The following CARMIL1 variants were observed in gnomAD, a reference collection of about 807,000 sequenced individuals.
The protein encoded by CARMIL1 is capping protein regulator and myosin 1 linker 1.
CARMIL1 carries 90 observed loss-of-function variants against 177.1 expected under a neutral mutation model. The observed-to-expected ratio is 0.51, with a 90% CI of 0.43 to 0.61. The LOEUF (loss-of-function observed/expected upper bound fraction) is 0.61, where lower values mean the gene tolerates loss of function less well. CARMIL1 is among the 20% of genes least tolerant of loss of function. The pLI is 0.00. For missense variants in CARMIL1, 1,380 were observed against 1,667.0 expected, an observed-to-expected ratio of 0.83 and a Z score of 3.00; for synonymous variants, 577 against 606.2, an observed-to-expected ratio of 0.95 and a Z score of 0.71.
intron 2 of CARMIL1, among the ~76,000 whole-genome samples, chr6:25,343,910 C>T (rs969639651): frequency 7.2e-5 from 11 of 152,076 alleles, no homozygotes; most frequent in African/African-American, 2.7e-4. Flanking sequence ...CATAGTGCTG[C>T]TCCTCCTTCT....
At chr6:25,571,348 C>T (rs1451896102) in intron 29 of CARMIL1, among the ~76,000 whole-genome samples, 3 of 151,972 alleles carry the variant, frequency 2.0e-5, no homozygotes, top group Non-Finnish European at 4.4e-5. Context: ...CATAGTAATA[C>T]TCAGAAAACA....
At chr6:25,609,209 G>C (rs944726146) in intron 35 of CARMIL1, among the ~76,000 whole-genome samples, 1 of 152,060 alleles carries the variant, frequency 6.6e-6, no homozygotes, top group Non-Finnish European at 1.5e-5. Flanking sequence ...GCTCACACCT[G>C]TAATCCCAAC....
chr6:25,524,495 A>G (rs1806895436), intron 23 of CARMIL1, among the ~76,000 whole-genome samples: 1 of 152,240 alleles, frequency 6.6e-6, no homozygotes, highest in Non-Finnish European at 1.5e-5. Flanking sequence ...CCCAGCTCTT[A>G]GCCAGTTAAC....
At chr6:25,390,376 C>T (rs1792677919) in intron 2 of CARMIL1, among the ~76,000 whole-genome samples, 1 of 132,682 alleles carries the variant, frequency 7.5e-6, no homozygotes, top group Non-Finnish European at 1.5e-5. Flanking sequence ...GGTTGGAGTA[C>T]AGCAGCACAG....
At chr6:25,317,780 A>T (rs1161775570) in intron 2 of CARMIL1, among the ~76,000 whole-genome samples, 1 of 151,560 alleles carries the variant, frequency 6.6e-6, no homozygotes, top group African/African-American at 2.4e-5. Flanking sequence ...ACCCAGGTTG[A>T]TCTAGAACTC....
chr6:25,451,698 A>G (rs1798944414), intron 8 of CARMIL1, among the ~76,000 whole-genome samples: 2 of 152,026 alleles, frequency 1.3e-5, no homozygotes, highest in Admixed American at 1.3e-4. Context: ...CTGGTAATTT[A>G]TCTTGGCCTA....
rs1582182833 is a variant in CARMIL1, at chr6:25,506,778, T to C, written c.1396-2878T>C. Among the ~76,000 whole-genome samples the C allele has an allele frequency of 2.0e-5, 3 of 152,318 alleles. No homozygotes were observed. The South Asian group carries it at 6.2e-4, about 32-fold the overall frequency. ...TACTATTGGAACCCCTCTGAAAGAA[T>C]AGCAGATAATTTGGGGGTCATTTTA... On this transcript the variant is annotated intron_variant, in intron 17 of 36. Transcript: ENST00000329474.
chr6:25,468,468 GT>G (rs1800826513), intron 9 of CARMIL1, among the ~76,000 whole-genome samples: 1 of 152,142 alleles, frequency 6.6e-6, no homozygotes, highest in Non-Finnish European at 1.5e-5. Flanking sequence ...AGTGATTCTA[GT>G]TTTTGTTGTT....
At chr6:25,469,840 C>T (rs907659881) in intron 9 of CARMIL1, among the ~76,000 whole-genome samples, 4 of 152,144 alleles carry the variant, frequency 2.6e-5, no homozygotes, top group African/African-American at 4.8e-5. Flanking sequence ...TCTGGGATTA[C>T]AGGCACAAGC....
intron 23 of CARMIL1, among the ~76,000 whole-genome samples, chr6:25,524,095 T>C (rs918316238): frequency 1.9e-4 from 29 of 152,002 alleles, no homozygotes; most frequent in African/African-American, 6.8e-4. Flanking sequence ...ATAACAAAGA[T>C]CTACCAGCCA....
intron 5 of CARMIL1, among the ~76,000 whole-genome samples, chr6:25,437,880 C>G (rs1562135468): frequency 1.3e-5 from 2 of 152,174 alleles, no homozygotes; most frequent in East Asian, 3.8e-4. Flanking sequence ...GTCACTTTCT[C>G]CCTTGCATCT....
At chr6:25,319,637 C>T (rs1338787357) in intron 2 of CARMIL1, among the ~76,000 whole-genome samples, 1 of 151,984 alleles carries the variant, frequency 6.6e-6, no homozygotes, top group African/African-American at 2.4e-5. Flanking sequence ...TTTCTGGGGC[C>T]CATAGCTTTT....
At chr6:25,451,671 G>C (rs114685784) in intron 8 of CARMIL1, among the ~76,000 whole-genome samples, 2,091 of 152,224 alleles carry the variant, frequency 0.014, 41 homozygotes, top group African/African-American at 0.041. Flanking sequence ...GTCGAGCCCG[G>C]CCCTATTCCA....
At chr6:25,403,072 C>T (rs993218021) in intron 2 of CARMIL1, among the ~76,000 whole-genome samples, 1 of 134,878 alleles carries the variant, frequency 7.4e-6, no homozygotes, top group African/African-American at 2.8e-5. Flanking sequence ...TGCATTTCTT[C>T]CATAAAGAGT....
chr6:25,373,591 T>C (rs557599428), intron 2 of CARMIL1, among the ~76,000 whole-genome samples: 181 of 129,786 alleles, frequency 1.4e-3, no homozygotes, highest in Non-Finnish European at 2.2e-3. Flanking sequence ...CTCTCTCTCT[T>C]TTTTTTTTTT....
chr6:25,562,686 G>A (rs373429982), intron 29 of CARMIL1, among the ~76,000 whole-genome samples: 76 of 152,266 alleles, frequency 5.0e-4, no homozygotes, highest in Middle Eastern at 3.4e-3. Flanking sequence ...TGCCCTGCAG[G>A]TAACAGAGCA....
chr6:25,314,501 AC>A (rs905685584), intron 2 of CARMIL1, among the ~76,000 whole-genome samples: 25 of 124,056 alleles, frequency 2.0e-4, no homozygotes, highest in Non-Finnish European at 3.4e-4. Context: ...ATATATACAC[AC>A]CCCCACACAC....
intron 31 of CARMIL1, among the ~76,000 whole-genome samples, chr6:25,591,578 C>T (rs1431690708): frequency 2.0e-5 from 3 of 152,318 alleles, no homozygotes; most frequent in African/African-American, 7.2e-5. Context: ...AACTGTTTGT[C>T]CTTTCCTTTG....
intron 2 of CARMIL1, among the ~76,000 whole-genome samples, chr6:25,298,334 A>C (rs1477817066): frequency 6.6e-6 from 1 of 152,206 alleles, no homozygotes; most frequent in African/African-American, 2.4e-5. Flanking sequence ...GGCCCTGTAC[A>C]AGGTACATGT....
Sources: gnomAD v4.1 joint callset for allele counts (sites outside exome capture counted in the v4.1 genomes callset) on GRCh38, gnomAD v4.1.1 for gene constraint, MANE v1.5 for transcripts, NCBI Gene and HGNC (gene_info 2026-07-23, HGNC 2026-07-21) for gene names.